PPP2R5C: variants seen among roughly 807,000 people sequenced by gnomAD.
PPP2R5C encodes serine/threonine-protein phosphatase 2A 56 kDa regulatory subunit gamma isoform.
PPP2R5C carries 7 observed loss-of-function variants against 68.9 expected under a neutral mutation model. The ratio of observed to expected loss-of-function variants is 0.10; its 90% CI spans 0.06 to 0.19. PPP2R5C has a LOEUF of 0.19. PPP2R5C is among the 10% of genes least tolerant of loss of function. The probability of loss-of-function intolerance (pLI) is 1.00; values close to 1 mark genes in which losing one functional copy is unlikely to be tolerated. For missense variants in PPP2R5C, 348 were observed against 641.3 expected (o/e 0.54, Z 4.94); for synonymous variants, 210 against 222.2 (o/e 0.95, Z 0.49).
At chr14:101,773,056 C>T (rs977834800) in intron 2 of PPP2R5C, among the ~76,000 whole-genome samples, 6 of 152,152 alleles carry the variant, frequency 3.9e-5, no homozygotes, top group African/African-American at 7.2e-5. Flanking sequence ...TCTGACATTG[C>T]GGCTTCCCTC....
chr14:101,767,779 G>A (rs752358247), intron 2 of PPP2R5C, among the ~76,000 whole-genome samples: 3 of 152,146 alleles, frequency 2.0e-5, no homozygotes, highest in Admixed American at 6.5e-5. Flanking sequence ...GAGGTTCTGC[G>A]GGGAGGATCC....
At chr14:101,812,257 C>T (rs1276762623) in intron 1 of PPP2R5C, among the ~76,000 whole-genome samples, 3 of 152,170 alleles carry the variant, frequency 2.0e-5, no homozygotes, top group East Asian at 1.9e-4. Flanking sequence ...CCCAAAGGAG[C>T]GAATGGAGAG....
chr14:101,912,666 T>C, intron 12 of PPP2R5C, 193 bp downstream of exon 14: 1 of 1,211,676 alleles, frequency 8.3e-7, no homozygotes, highest in Non-Finnish European at 1.1e-6. Context: ...CCATATCGTT[T>C]TACCACAGAA....
intron 1 of PPP2R5C, among the ~76,000 whole-genome samples, chr14:101,833,796 GT>G (rs763189643): frequency 6.6e-6 from 1 of 151,948 alleles, no homozygotes; most frequent in Admixed American, 6.6e-5. Flanking sequence ...CAATCCAAGG[GT>G]TTTTTTGGCA....
At chr14:101,919,427 G>A (rs898840128) in intron 13 of PPP2R5C, among the ~76,000 whole-genome samples, 1 of 152,146 alleles carries the variant, frequency 6.6e-6, no homozygotes, top group Non-Finnish European at 1.5e-5. Flanking sequence ...ATGAAAATCT[G>A]TATATATTTC....
intron 2 of PPP2R5C, among the ~76,000 whole-genome samples, chr14:101,875,554 T>C (rs2043708924): frequency 6.6e-6 from 1 of 152,184 alleles, no homozygotes; most frequent in South Asian, 2.1e-4. Context: ...CAGCAAGTGT[T>C]TGAGGACCTC....
chr14:101,865,465 T>C (rs1318610504), intron 2 of PPP2R5C, among the ~76,000 whole-genome samples: 2 of 152,078 alleles, frequency 1.3e-5, no homozygotes, highest in East Asian at 3.9e-4. Context: ...GGAGATGGGG[T>C]ACTGTGGTTG....
intron 2 of PPP2R5C, among the ~76,000 whole-genome samples, chr14:101,769,990 C>T (rs1182735268): frequency 6.6e-6 from 1 of 152,146 alleles, no homozygotes; most frequent in Non-Finnish European, 1.5e-5. Flanking sequence ...AGGCTACACA[C>T]CTGTACAGCA....
intron 1 of PPP2R5C, among the ~76,000 whole-genome samples, chr14:101,814,283 T>C (rs2039532504): frequency 6.6e-6 from 1 of 152,270 alleles, no homozygotes; most frequent in Admixed American, 6.5e-5. Flanking sequence ...TGCAGCTCTC[T>C]GCAAAGTGAC....
At chr14:101,790,584 A>G (rs1255904048) in intron 3 of PPP2R5C, among the ~76,000 whole-genome samples, 2 of 152,240 alleles carry the variant, frequency 1.3e-5, no homozygotes, top group Admixed American at 1.3e-4. Flanking sequence ...ATGCCGCATC[A>G]TATTCAGTCA....
intron 5 of PPP2R5C, chr14:101,889,718 A>G (rs781372629): frequency 1.1e-4 from 33 of 302,550 alleles, no homozygotes; most frequent in Non-Finnish European, 1.5e-4. Flanking sequence ...TGTGGGTGTC[A>G]GTGGGGAACT....
chr14:101,848,470 G>A (rs185877568), intron 1 of PPP2R5C, among the ~76,000 whole-genome samples: 134 of 152,092 alleles, frequency 8.8e-4, no homozygotes, highest in African/African-American at 3.2e-3. Flanking sequence ...GGCGGAGGTT[G>A]CAGTAAGCCG....
intron 1 of PPP2R5C, among the ~76,000 whole-genome samples, chr14:101,817,533 T>A (rs1371110407): frequency 1.3e-5 from 2 of 152,162 alleles, no homozygotes; most frequent in Admixed American, 1.3e-4. Context: ...GTTTTTGATG[T>A]TTATTGGCAT....
intron 13 of PPP2R5C, among the ~76,000 whole-genome samples, chr14:101,919,471 A>G (rs1019147114): frequency 2.6e-5 from 4 of 151,374 alleles, no homozygotes; most frequent in African/African-American, 9.7e-5. Context: ...TCTTCTTGAT[A>G]TTTTTTTTTA....
exon 14 of PPP2R5C, chr14:101,925,307 G>C (rs777704707): frequency 1.2e-6 from 2 of 1,607,278 alleles, no homozygotes; most frequent in Non-Finnish European, 1.7e-6. Context: ...GGGCCCGCCA[G>C]TTCTTTTCCG....
chr14:101,887,594 T>G (rs1344417783), intron 5 of PPP2R5C, among the ~76,000 whole-genome samples: 1 of 152,240 alleles, frequency 6.6e-6, no homozygotes, highest in Admixed American at 6.5e-5. Flanking sequence ...TGTGATGCCT[T>G]GAGCTCCTCC....
intron 2 of PPP2R5C, among the ~76,000 whole-genome samples, chr14:101,858,333 TC>T (rs947520967): frequency 7.2e-5 from 11 of 152,250 alleles, no homozygotes; most frequent in Admixed American, 3.3e-4. Context: ...TAATCTTTTT[TC>T]TTTTAGGTAT....
At chr14:101,795,458 A>G (rs560228965) in intron 3 of PPP2R5C, among the ~76,000 whole-genome samples, 6 of 152,334 alleles carry the variant, frequency 3.9e-5, no homozygotes, top group Admixed American at 2.0e-4. Flanking sequence ...TTCTGAATTA[A>G]TGCCTTCATT....
intron 1 of PPP2R5C, among the ~76,000 whole-genome samples, chr14:101,815,519 C>T (rs1018970232): frequency 4.6e-5 from 7 of 152,286 alleles, no homozygotes; most frequent in Middle Eastern, 3.4e-3. Flanking sequence ...TGACTTACCT[C>T]CTCCACAAAA....
Sources: allele counts gnomAD v4.1 joint callset (sites outside exome capture counted in the v4.1 genomes callset), GRCh38; gene constraint gnomAD v4.1.1; transcripts MANE v1.5; gene names NCBI Gene and HGNC (gene_info 2026-07-23, HGNC 2026-07-21).